Variants in ZNF804B observed in about 807,000 individuals in gnomAD.
ZNF804B encodes the protein zinc finger 804B.
Under a neutral mutation model 101.4 loss-of-function variants are expected in ZNF804B, and 80 were observed. The observed-to-expected ratio is 0.79, with a 90% CI of 0.66 to 0.95. ZNF804B has a LOEUF of 0.95. Ranked by LOEUF, ZNF804B falls within the 40% of genes least tolerant of loss-of-function variation. The pLI is 0.00. For synonymous variants in ZNF804B, 622 were observed against 558.8 expected (o/e 1.11, Z -1.59); for missense variants, 1,673 against 1,561.9 (o/e 1.07, Z -1.20).
chr7:89,181,619 C>T (rs1185285084), intron 1 of ZNF804B, among the ~76,000 whole-genome samples: 1 of 137,848 alleles, frequency 7.3e-6, no homozygotes, highest in Non-Finnish European at 1.6e-5. Flanking sequence ...TTCAGTGGCT[C>T]TTTCCTTGAT....
At chr7:89,136,939 G>C (rs1790646447) in intron 1 of ZNF804B, among the ~76,000 whole-genome samples, 1 of 152,030 alleles carries the variant, frequency 6.6e-6, no homozygotes. Flanking sequence ...GTGAGGCAGA[G>C]CTTCCCTGCA....
chr7:89,199,998 A>C (rs1211658631), intron 1 of ZNF804B, among the ~76,000 whole-genome samples: 1 of 150,146 alleles, frequency 6.7e-6, no homozygotes, highest in African/African-American at 2.4e-5. Context: ...TATATATTTA[A>C]AAATGTATTT....
chr7:88,874,498 C>A (rs1270843550), intron 1 of ZNF804B, among the ~76,000 whole-genome samples: 2 of 152,008 alleles, frequency 1.3e-5, no homozygotes, highest in Non-Finnish European at 1.5e-5. Flanking sequence ...CTAGAACTTC[C>A]AACACTATGT....
Position 88,891,418 on chromosome 7 carries a change from A to G in ZNF804B, c.108+131334A>G, listed in dbSNP as rs184691800. On this transcript the variant is annotated intron_variant, in intron 1 of 3. Transcript: ENST00000333190. ...CATTTTTATTTTGTTTGCCTTTTAT[A>G]TAATTTTCTACCCTATTATTCAAAC... Among the ~76,000 whole-genome samples, 10 of 152,196 alleles carry G rather than the reference A, an allele frequency of 6.6e-5. No individual in the cohort carries two copies. In the East Asian group the frequency reaches 1.9e-3, roughly 29 times the overall value.
chr7:88,847,375 G>A (rs1791390173), intron 1 of ZNF804B, among the ~76,000 whole-genome samples: 1 of 151,834 alleles, frequency 6.6e-6, no homozygotes, highest in African/African-American at 2.4e-5. Flanking sequence ...TTGAATAAGA[G>A]GATCCGTTTT....
chr7:88,763,900 G>A (rs1232269548), intron 1 of ZNF804B, among the ~76,000 whole-genome samples: 1 of 152,010 alleles, frequency 6.6e-6, no homozygotes, highest in Non-Finnish European at 1.5e-5. Flanking sequence ...GAGCACTTAG[G>A]GGACCCAGCA....
chr7:89,304,160 T>C (rs945094383), intron 2 of ZNF804B, among the ~76,000 whole-genome samples: 1 of 151,930 alleles, frequency 6.6e-6, no homozygotes, highest in Non-Finnish European at 1.5e-5. Context: ...GTCATCCCTT[T>C]GAAATATAAT....
At chr7:88,905,232 G>A (rs1792450752) in intron 1 of ZNF804B, among the ~76,000 whole-genome samples, 1 of 152,122 alleles carries the variant, frequency 6.6e-6, no homozygotes, top group Non-Finnish European at 1.5e-5. Flanking sequence ...TTAATCCTGT[G>A]TATGTGCTGA....
At position 88,781,435 on chromosome 7, in the gene ZNF804B, T is replaced by C. The variant is rs114681436; in HGVS notation, c.108+21351T>C. On this transcript the variant is annotated intron_variant, in intron 1 of 3. Transcript: ENST00000333190. ...GACTCCTTGTTGTAGAGACATTATA[T>C]ATCAGCAGCTTGACTAATTGGTCTA... is the stretch of plus-strand genomic sequence containing the variant. Among the ~76,000 whole-genome samples the C allele has an allele frequency of 5.0e-3, 754 of 152,280 alleles. 7 individuals carry two copies. The highest frequency in any genetic ancestry group is 0.017 in the Middle Eastern group (5 of 294).
At chr7:89,020,572 C>T (rs12534396) in intron 1 of ZNF804B, among the ~76,000 whole-genome samples, 18,209 of 152,006 alleles carry the variant, frequency 0.12, 1,595 homozygotes, top group East Asian at 0.27. Flanking sequence ...ATTTTGTAAT[C>T]CTTGAGCTTT....
chr7:89,019,129 T>C (rs1788618051), intron 1 of ZNF804B, among the ~76,000 whole-genome samples: 1 of 152,076 alleles, frequency 6.6e-6, no homozygotes, highest in Admixed American at 6.6e-5. Context: ...TGCTATAAAC[T>C]TGCCTCTTAC....
chr7:89,073,978 G>A (rs529618941), intron 1 of ZNF804B, among the ~76,000 whole-genome samples: 1 of 152,220 alleles, frequency 6.6e-6, no homozygotes, highest in South Asian at 2.1e-4. Flanking sequence ...TTTTCAATTT[G>A]TAGGACTGCC....
intron 1 of ZNF804B, among the ~76,000 whole-genome samples, chr7:89,158,508 T>C (rs1791010842): frequency 6.6e-6 from 1 of 152,140 alleles, no homozygotes; most frequent in East Asian, 1.9e-4. Context: ...ACCTTGATTA[T>C]TGCTCTTGTT....
At chr7:88,827,548 A>G (rs965983707) in intron 1 of ZNF804B, among the ~76,000 whole-genome samples, 1 of 151,806 alleles carries the variant, frequency 6.6e-6, no homozygotes, top group East Asian at 1.9e-4. Context: ...TTCCGGGGTT[A>G]TGTCTTTAGT....
At chr7:88,826,556 A>G (rs1463536788) in intron 1 of ZNF804B, among the ~76,000 whole-genome samples, 1 of 152,120 alleles carries the variant, frequency 6.6e-6, no homozygotes, top group African/African-American at 2.4e-5. Flanking sequence ...TATAAATTCA[A>G]TTTATGCTAA....
At chr7:88,804,575 T>A (rs539644055) in intron 1 of ZNF804B, among the ~76,000 whole-genome samples, 1 of 152,038 alleles carries the variant, frequency 6.6e-6, no homozygotes, top group South Asian at 2.1e-4. Context: ...CACATTATGA[T>A]GAGGTGACAT....
chr7:88,985,903 A>G (rs79052874), intron 1 of ZNF804B, among the ~76,000 whole-genome samples: 3,451 of 152,242 alleles, frequency 0.023, 135 homozygotes, highest in African/African-American at 0.078. Context: ...AGATAATACC[A>G]TTACAGGAGG....
At chr7:89,275,047 C>G (rs960684183) in intron 2 of ZNF804B, among the ~76,000 whole-genome samples, 4 of 151,964 alleles carry the variant, frequency 2.6e-5, no homozygotes, top group African/African-American at 9.7e-5. Context: ...TGTAAGTCAA[C>G]AGACTTGCAT....
At position 89,074,179 on chromosome 7, in the gene ZNF804B, T is replaced by G. The variant is rs1181986349; in HGVS notation, c.109-143976T>G. On this transcript the variant is annotated intron_variant, in intron 1 of 3. Coordinates refer to ENST00000333190, the MANE Select transcript of ZNF804B (RefSeq NM_181646.5). ...GTGAGCCAATACATTCTAATTGTTT[T>G]ATGCCAACTTGAGTTGAATTTCTTG... Among the ~76,000 whole-genome samples, 3 of 152,248 alleles carry G rather than the reference T, an allele frequency of 2.0e-5. No homozygotes were observed. In the South Asian group the frequency reaches 6.2e-4, roughly 31 times the overall value.
Sources: gnomAD v4.1 joint callset for allele counts (sites outside exome capture counted in the v4.1 genomes callset) on GRCh38, gnomAD v4.1.1 for gene constraint, MANE v1.5 for transcripts, NCBI Gene and HGNC (gene_info 2026-07-23, HGNC 2026-07-21) for gene names.